OSBPL3: variants seen among roughly 807,000 people sequenced by gnomAD.
OSBPL3 encodes the protein oxysterol-binding protein-related protein 3.
OSBPL3 carries 65 observed loss-of-function variants against 120.1 expected under a neutral mutation model. That is an observed-to-expected ratio of 0.54 (90% confidence interval 0.44 to 0.67). The LOEUF (loss-of-function observed/expected upper bound fraction) is 0.67, where lower values mean the gene tolerates loss of function less well. Ranked by LOEUF, OSBPL3 falls within the 30% of genes least tolerant of loss-of-function variation. The pLI is 0.00. For synonymous variants in OSBPL3, 416 were observed against 402.6 expected (o/e 1.03, Z -0.40); for missense variants, 1,004 against 1,082.1 (o/e 0.93, Z 1.01).
rs1260514903 is a variant in OSBPL3 at position 24,968,500 on chromosome 7, G to A, written c.-150+11386C>T. Reference sequence around the variant, plus strand: ...CAGCCACTGCCTCCCGGGTTCCAGCGATTCTCCTGCCTCCACCTCCTGCGT... The same window carrying A: ...CAGCCACTGCCTCCCGGGTTCCAGCAATTCTCCTGCCTCCACCTCCTGCGT... On this transcript the variant is annotated intron_variant, in intron 1 of 22. Transcript: ENST00000313367. The surrounding 1 kb of genome is among the most constrained non-coding windows in gnomAD (Gnocchi z 4.6). Among the ~76,000 whole-genome samples, 2 of 152,260 alleles carry A rather than the reference G, an allele frequency of 1.3e-5. No homozygotes were observed. The highest frequency in any genetic ancestry group is 2.4e-5 in the African/African-American group (1 of 41,554).
At chr7:24,919,273 G>A (rs760900422) in intron 1 of OSBPL3, among the ~76,000 whole-genome samples, 12 of 152,214 alleles carry the variant, frequency 7.9e-5, no homozygotes, top group South Asian at 6.2e-4. Context: ...CAAAGCTACA[G>A]GCACCAAGAC....
At position 24,930,805 on chromosome 7, in the gene OSBPL3, T is replaced by G. The variant is rs985917082; in HGVS notation, c.-149-38184A>C. Among the ~76,000 whole-genome samples the G allele has an allele frequency of 1.6e-4, 25 of 152,198 alleles. No homozygotes were observed. Among genetic ancestry groups the G allele is most frequent in the African/African-American group, 6.0e-4 (25 of 41,446 alleles). ...AAGAACCTAGGTTGAGGTGAAGGAT[T>G]TCTGATTAAATGAATTCATCAATGA... On this transcript the variant is annotated intron_variant, in intron 1 of 22. Coordinates refer to ENST00000313367, the MANE Select transcript of OSBPL3 (RefSeq NM_015550.4). This position sits in a 1 kb window ranked among gnomAD's most constrained non-coding sequence, Gnocchi z 4.4.
intron 10 of OSBPL3, 97 bp downstream of exon 10, chr7:24,861,516 T>C (rs889362149): frequency 1.3e-6 from 1 of 746,786 alleles, no homozygotes; most frequent in Non-Finnish European, 2.1e-6. Context: ...GAGCAGAAAA[T>C]GAACCAACTA....
chr7:24,904,838 G>A (rs1272037525), intron 1 of OSBPL3, among the ~76,000 whole-genome samples: 1 of 151,984 alleles, frequency 6.6e-6, no homozygotes, highest in Admixed American at 6.6e-5. Flanking sequence ...GTGGCTGTCA[G>A]GGGCTGGGGG....
chr7:24,902,584 G>C (rs1020876622), intron 1 of OSBPL3, among the ~76,000 whole-genome samples: 5 of 151,834 alleles, frequency 3.3e-5, no homozygotes, highest in Non-Finnish European at 7.4e-5. Context: ...TCTTAAGGTA[G>C]GACTAGTTTT....
At position 24,849,176 on chromosome 7, in the gene OSBPL3, C is replaced by T; in HGVS notation, c.1159G>A (p.Ala387Thr). The stretch of plus-strand genomic sequence containing the variant: ...TTAAGATCTGTGTTTTGTGCTAGGG[C>T]CTGGAACATGTTAAAATAGTGGGGC... ...VIGLKNALSSALAQNTDLKER... is the reference protein window; with the variant it reads ...VIGLKNALSSTLAQNTDLKER... Residue 387 changes from alanine to threonine, a missense_variant and splice_region_variant, in exon 12 of 23, where the codon GCC (alanine) becomes ACC (threonine). Coordinates refer to ENST00000313367, the MANE Select transcript of OSBPL3 (RefSeq NM_015550.4). The surrounding 1 kb of genome is among the most constrained non-coding windows in gnomAD (Gnocchi z 5.4). 1 of 1,610,786 alleles carries T rather than the reference C, an allele frequency of 6.2e-7. No individual in the cohort carries two copies. Among genetic ancestry groups the T allele is most frequent in the Non-Finnish European group, 8.5e-7 (1 of 1,177,308 alleles).
In OSBPL3 at chr7:24,854,529, C is replaced by CACACACAA. The variant is rs1562831322; in HGVS notation, c.1028-1896_1028-1895insTTGTGTGT. 6.8e-6 allele frequency among the ~76,000 whole-genome samples: 1 copy of CACACACAA among 146,786 alleles called. No individual in the cohort carries two copies. Among genetic ancestry groups the CACACACAA allele is most frequent in the African/African-American group, 2.5e-5 (1 of 40,416 alleles). ...ACACACACACACACACACACACACA[C>CACACACAA]ACACACACAAACACACACAATGGTG... On this transcript the variant is annotated intron_variant, in intron 10 of 22. Transcript: ENST00000313367. This position sits in a 1 kb window ranked among gnomAD's most constrained non-coding sequence, Gnocchi z 4.1.
chr7:24,840,321 C>A (rs1797585188), intron 14 of OSBPL3, among the ~76,000 whole-genome samples: 1 of 152,164 alleles, frequency 6.6e-6, no homozygotes, highest in African/African-American at 2.4e-5. Flanking sequence ...ATAGCAAGAC[C>A]AACCCCTTCT....
chr7:24,843,103 C>T (rs1327292716), intron 12 of OSBPL3, among the ~76,000 whole-genome samples: 1 of 152,184 alleles, frequency 6.6e-6, no homozygotes, highest in Non-Finnish European at 1.5e-5. Context: ...CTCCACTCCA[C>T]TGGGTCTGGA....
Position 24,855,052 on chromosome 7 carries a change from AG to A in OSBPL3, c.1028-2419del, listed in dbSNP as rs1562832255. On this transcript the variant is annotated intron_variant, in intron 10 of 22. Transcript: ENST00000313367. This position sits in a 1 kb window ranked among gnomAD's most constrained non-coding sequence, Gnocchi z 4.3. ...AAAATGCTTGTAAATAACTGCACAC[AG>A]GGTAGAAATTCTAGGAATGAGGGGT... 6.6e-6 allele frequency among the ~76,000 whole-genome samples: 1 copy of A among 152,186 alleles called. No individual in the cohort carries two copies. The highest frequency in any genetic ancestry group is 1.9e-4 in the East Asian group (1 of 5,198).
chr7:24,935,707 CAT>C (rs1812324456), intron 1 of OSBPL3, among the ~76,000 whole-genome samples: 1 of 151,916 alleles, frequency 6.6e-6, no homozygotes, highest in South Asian at 2.1e-4. Flanking sequence ...TCAATTCTCA[CAT>C]GTGTCTCTAT....
chr7:24,863,372 AC>A lies in OSBPL3; in HGVS notation c.778-81del. Reference sequence around the variant, plus strand: ...AGGATAAATGCATAGCAAAGTGACCACCTCCATCCCCTTGACTTTGGCTGAA... The same window carrying A: ...AGGATAAATGCATAGCAAAGTGACCACTCCATCCCCTTGACTTTGGCTGAA... On this transcript the variant is annotated intron_variant, in intron 8 of 22. Transcript: ENST00000313367. This position sits in a 1 kb window ranked among gnomAD's most constrained non-coding sequence, Gnocchi z 5.8. The A allele has an allele frequency of 7.2e-7, 1 of 1,388,398 alleles. No individual in the cohort carries two copies. Among genetic ancestry groups the A allele is most frequent in the Middle Eastern group, 1.8e-4 (1 of 5,634 alleles). 86.0% of individuals were successfully genotyped at this position (1,388,398 alleles called of 1,614,324 possible).
rs1243643426 is a variant in OSBPL3 at position 24,952,156 on chromosome 7, T to C, written c.-150+27730A>G. The stretch of plus-strand genomic sequence containing the variant: ...GTAAAGTCTTAGTCTTGGAATGCAA[T>C]AGGCAGGAGGCACTTGAACTACCCA... On this transcript the variant is annotated intron_variant, in intron 1 of 22. Coordinates refer to ENST00000313367, the MANE Select transcript of OSBPL3 (RefSeq NM_015550.4). This position sits in a 1 kb window ranked among gnomAD's most constrained non-coding sequence, Gnocchi z 4.4. Among the ~76,000 whole-genome samples, 1 of 152,130 alleles carries C rather than the reference T, an allele frequency of 6.6e-6. No homozygotes were observed.
At chr7:24,812,588 C>T (rs1339447390) in intron 19 of OSBPL3, among the ~76,000 whole-genome samples, 1 of 152,082 alleles carries the variant, frequency 6.6e-6, no homozygotes, top group Non-Finnish European at 1.5e-5. Flanking sequence ...AATTACCTGG[C>T]TGCCCTAAAA....
In OSBPL3 at chr7:24,951,163, G is replaced by A. The variant is rs74951126; in HGVS notation, c.-150+28723C>T. On this transcript the variant is annotated intron_variant, in intron 1 of 22. Transcript: ENST00000313367. ...GGATGGAAAGTAGGAGAAAAGAAAC[G>A]AAGAAATTTGAGATTATGGAATCAG... Among the ~76,000 whole-genome samples, 487 of 152,214 alleles carry A rather than the reference G, an allele frequency of 3.2e-3. 7 individuals carry two copies. The East Asian group carries it at 0.045, about 14-fold the overall frequency.
At chr7:24,944,385 T>C (rs546060757) in intron 1 of OSBPL3, among the ~76,000 whole-genome samples, 3 of 151,998 alleles carry the variant, frequency 2.0e-5, no homozygotes, top group East Asian at 3.9e-4. Flanking sequence ...TCCCAGCACT[T>C]TGGGAGGCCA....
intron 1 of OSBPL3, among the ~76,000 whole-genome samples, chr7:24,929,125 C>T (rs1169235075): frequency 6.6e-6 from 1 of 152,220 alleles, no homozygotes; most frequent in African/African-American, 2.4e-5. Context: ...GCTCTAGTTG[C>T]TCCACATCCT....
In OSBPL3 at chr7:24,820,737, A is replaced by C. The variant is rs1486136557; in HGVS notation, c.1885-499T>G. On this transcript the variant is annotated intron_variant, in intron 16 of 22. Coordinates refer to ENST00000313367, the MANE Select transcript of OSBPL3 (RefSeq NM_015550.4). The surrounding 1 kb of genome is among the most constrained non-coding windows in gnomAD (Gnocchi z 4.6). ...CCAATTTAACTCTTGAAAACTCTGC[A>C]TCATAAAGTCCAGCCTCTTTTCAAA... Among the ~76,000 whole-genome samples, 2 of 152,238 alleles carry C rather than the reference A, an allele frequency of 1.3e-5. No homozygotes were observed. Among genetic ancestry groups the C allele is most frequent in the East Asian group, 3.9e-4 (2 of 5,178 alleles).
At position 24,804,299 on chromosome 7, in the gene OSBPL3, C is replaced by CCAACCAAA; in HGVS notation, c.2567+15_2567+16insTTTGGTTG. On this transcript the variant is annotated intron_variant, in intron 22 of 22. Transcript: ENST00000313367. The surrounding 1 kb of genome is among the most constrained non-coding windows in gnomAD (Gnocchi z 5.4). ...ACCACCTATCAACCAAAAACCTACT[C>CCAACCAAA]AATCCAGGCACGAACCTGAAAAACC... 6.2e-7 allele frequency: 1 copy of CCAACCAAA among 1,614,112 alleles called. No individual in the cohort carries two copies. The highest frequency in any genetic ancestry group is 1.7e-4 in the Middle Eastern group (1 of 6,050).
Sources: gnomAD v4.1 joint callset for allele counts (sites outside exome capture counted in the v4.1 genomes callset) on GRCh38, gnomAD v4.1.1 for gene constraint, Gnocchi (gnomAD v3.1) non-coding constraint, MANE v1.5 for transcripts, NCBI Gene and HGNC (gene_info 2026-07-23, HGNC 2026-07-21) for gene names.